The following CNTN5 variants were observed in gnomAD, a reference collection of about 807,000 sequenced individuals.
The protein encoded by CNTN5 is contactin 5, also known as contactin-5.
In CNTN5, 77 loss-of-function variants were observed where a neutral mutation model predicts 129.1. The ratio of observed to expected loss-of-function variants is 0.60; its 90% CI spans 0.50 to 0.72. The LOEUF (loss-of-function observed/expected upper bound fraction) is 0.72. Ranked by LOEUF, CNTN5 falls within the 30% of genes least tolerant of loss-of-function variation. CNTN5 has a pLI of 0.00. For synonymous variants in CNTN5, 509 were observed against 465.6 expected (o/e 1.09, Z -1.20); for missense variants, 1,478 against 1,328.8 (o/e 1.11, Z -1.75).
intron 1 of CNTN5, among the ~76,000 whole-genome samples, chr11:99,293,712 G>T (rs1361605457): frequency 2.0e-5 from 3 of 151,962 alleles, no homozygotes; most frequent in African/African-American, 7.2e-5. Context: ...GTGTACGGTT[G>T]TTCATAATAG....
At chr11:99,532,097 C>CCA (rs1336416559) in intron 2 of CNTN5, among the ~76,000 whole-genome samples, 4 of 151,916 alleles carry the variant, frequency 2.6e-5, no homozygotes, top group African/African-American at 9.7e-5. Flanking sequence ...GCCCCTGAAA[C>CCA]CAGCCAGAAG....
intron 13 of CNTN5, among the ~76,000 whole-genome samples, chr11:100,162,265 A>C (rs528307888): frequency 1.4e-3 from 209 of 152,012 alleles, no homozygotes; most frequent in African/African-American, 4.8e-3. Flanking sequence ...CATAAATGTT[A>C]ATGATTCTAG....
At chr11:99,343,628 A>G (rs1866621254) in intron 2 of CNTN5, among the ~76,000 whole-genome samples, 1 of 152,170 alleles carries the variant, frequency 6.6e-6, no homozygotes, top group African/African-American at 2.4e-5. Flanking sequence ...ATACCTTCTA[A>G]TATGTATCTA....
intron 2 of CNTN5, among the ~76,000 whole-genome samples, chr11:99,437,938 A>G (rs1302989223): frequency 6.6e-6 from 1 of 152,318 alleles, no homozygotes; most frequent in East Asian, 1.9e-4. Context: ...ATGCTAATGT[A>G]TTTTCCATAT....
chr11:99,053,731 G>A (rs1864519075), intron 1 of CNTN5, among the ~76,000 whole-genome samples: 2 of 151,928 alleles, frequency 1.3e-5, no homozygotes, highest in South Asian at 4.1e-4. Context: ...AATAGAGGAT[G>A]ATATAATGAG....
At chr11:100,089,960 A>C (rs1591219017) in intron 13 of CNTN5, among the ~76,000 whole-genome samples, 1 of 152,084 alleles carries the variant, frequency 6.6e-6, no homozygotes, top group Non-Finnish European at 1.5e-5. Flanking sequence ...TACCTAGGTG[A>C]TGGGTTGACA....
At chr11:99,957,539 C>A (rs1343723998) in intron 8 of CNTN5, among the ~76,000 whole-genome samples, 3 of 152,104 alleles carry the variant, frequency 2.0e-5, no homozygotes, top group Non-Finnish European at 2.9e-5. Flanking sequence ...GTATTGCCAT[C>A]TATCCAAAGT....
intron 7 of CNTN5, among the ~76,000 whole-genome samples, chr11:99,931,453 G>C (rs1950190537): frequency 6.6e-6 from 1 of 152,138 alleles, no homozygotes. Context: ...AGATTGGTTA[G>C]GGATTTTGAC....
chr11:99,181,429 C>T (rs796862353), intron 1 of CNTN5, among the ~76,000 whole-genome samples: 8 of 152,180 alleles, frequency 5.3e-5, no homozygotes, highest in African/African-American at 1.4e-4. Flanking sequence ...TATCCCACCC[C>T]CATTGGTATT....
At chr11:99,578,923 G>T (rs1163947646) in intron 3 of CNTN5, among the ~76,000 whole-genome samples, 1 of 152,084 alleles carries the variant, frequency 6.6e-6, no homozygotes. Context: ...GTCCTGAATG[G>T]TATTGCCTAG....
chr11:99,192,619 A>G (rs1412626144), intron 1 of CNTN5, among the ~76,000 whole-genome samples: 1 of 151,990 alleles, frequency 6.6e-6, no homozygotes, highest in Non-Finnish European at 1.5e-5. Flanking sequence ...TGTCATTCAG[A>G]CTTAAAGAAT....
chr11:99,931,867 A>G (rs2045058), intron 7 of CNTN5, among the ~76,000 whole-genome samples: 104,963 of 152,070 alleles, frequency 0.69, 36,400 homozygotes, highest in Middle Eastern at 0.74. Context: ...GAAAGTTACG[A>G]TATCCTTCTA....
chr11:100,104,344 C>G (rs1945341825), intron 13 of CNTN5, among the ~76,000 whole-genome samples: 1 of 152,076 alleles, frequency 6.6e-6, no homozygotes. Flanking sequence ...ATCCACCTGC[C>G]TTGGCCTCCC....
At chr11:99,897,756 A>C (rs1949245280) in intron 6 of CNTN5, among the ~76,000 whole-genome samples, 1 of 152,190 alleles carries the variant, frequency 6.6e-6, no homozygotes, top group African/African-American at 2.4e-5. Flanking sequence ...CAAAACAACT[A>C]GCTAACAACA....
intron 3 of CNTN5, among the ~76,000 whole-genome samples, chr11:99,791,834 T>C (rs908085491): frequency 6.6e-6 from 1 of 152,184 alleles, no homozygotes; most frequent in Non-Finnish European, 1.5e-5. Flanking sequence ...CCTGGTTAGC[T>C]GTATTCCTAG....
chr11:99,786,835 C>T (rs187743007), intron 3 of CNTN5, among the ~76,000 whole-genome samples: 18 of 152,218 alleles, frequency 1.2e-4, no homozygotes, highest in East Asian at 1.9e-4. Context: ...CTTCCTTACA[C>T]GTTATACAAA....
intron 6 of CNTN5, among the ~76,000 whole-genome samples, chr11:99,895,350 C>T (rs919310162): frequency 6.6e-6 from 1 of 152,166 alleles, no homozygotes; most frequent in African/African-American, 2.4e-5. Context: ...ACTTCTCATA[C>T]CCTATCTGGT....
intron 3 of CNTN5, among the ~76,000 whole-genome samples, chr11:99,688,358 A>G (rs1252644696): frequency 2.0e-5 from 3 of 152,106 alleles, no homozygotes; most frequent in African/African-American, 7.2e-5. Context: ...ATTTATTTAG[A>G]AGACAAACAA....
intron 2 of CNTN5, among the ~76,000 whole-genome samples, chr11:99,539,810 A>G (rs538147291): frequency 1.3e-5 from 2 of 152,292 alleles, no homozygotes; most frequent in Admixed American, 6.5e-5. Context: ...TGAGTTCAAC[A>G]TAAAAATCCT....
Sources: allele counts gnomAD v4.1 joint callset (sites outside exome capture counted in the v4.1 genomes callset), GRCh38; gene constraint gnomAD v4.1.1; transcripts MANE v1.5; gene names NCBI Gene and HGNC (gene_info 2026-07-23, HGNC 2026-07-21).